Variants in IDUA observed in about 807,000 individuals in gnomAD.
IDUA encodes the protein alpha-L-iduronidase.
In IDUA, 65 loss-of-function variants were observed where a neutral mutation model predicts 68.9. That is an observed-to-expected ratio of 0.94 (90% CI 0.77 to 1.16). The LOEUF (loss-of-function observed/expected upper bound fraction) is 1.16, where lower values mean the gene tolerates loss of function less well. IDUA is among the 50% of genes most tolerant of loss of function. The pLI is 0.00. For synonymous variants in IDUA, 529 were observed against 433.6 expected, an observed-to-expected ratio of 1.22 and a Z score of -2.73; for missense variants, 1,046 against 938.0, an observed-to-expected ratio of 1.12 and a Z score of -1.50.
intron 2 of IDUA, among the ~76,000 whole-genome samples, chr4:995,735 ACT>A (rs760332902): frequency 1.6e-4 from 24 of 152,080 alleles, no homozygotes; most frequent in Non-Finnish European, 2.4e-4. Flanking sequence ...GACCCTGGAC[ACT>A]CACCCCACCA....
At chr4:991,239 G>C in intron 2 of IDUA, 2 of 1,611,750 alleles carry the variant, frequency 1.2e-6, no homozygotes, top group Non-Finnish European at 1.7e-6. Flanking sequence ...TGTTGGCTCC[G>C]GGCTGCAGGC....
intron 2 of IDUA, chr4:989,846 G>A (rs548954568): frequency 6.3e-6 from 10 of 1,578,432 alleles, no homozygotes; most frequent in Middle Eastern, 1.7e-4. Flanking sequence ...CCGTGACTGC[G>A]GGCGAACATC....
Position 1,001,718 on chromosome 4 carries a change from GC to G in IDUA, c.630del (p.Ala211ProfsTer23), listed in dbSNP as rs1560546897. On this transcript the variant is annotated frameshift_variant, in exon 6 of 14. Coordinates refer to ENST00000514224, the MANE Select transcript of IDUA (RefSeq NM_000203.5). LOFTEE classifies it high-confidence loss of function. ...TACGATGCCTGCTCGGAGGGTCTGC[GC>G]GCCGCCAGCCCCGCCCTGCGGCTGG... ...NYYDACSEGL[R>X]AASPALRLGG... is the part of the protein sequence containing the mutation. 6.3e-7 allele frequency: 1 copy of G among 1,598,910 alleles called. No homozygotes were observed. Among genetic ancestry groups the G allele is most frequent in the Non-Finnish European group, 8.5e-7 (1 of 1,178,624 alleles).
intron 2 of IDUA, among the ~76,000 whole-genome samples, chr4:997,922 G>C (rs1037519845): frequency 3.3e-4 from 50 of 152,240 alleles, no homozygotes; most frequent in African/African-American, 1.1e-3. Flanking sequence ...CCCCGCTAGG[G>C]TCAGGGGCTG....
Position 988,937 on chromosome 4 carries a change from C to T in IDUA, c.299+988C>T, listed in dbSNP as rs142262555. The T allele has an allele frequency of 3.5e-4, 552 of 1,598,818 alleles. 9 individuals are homozygous for T. The Middle Eastern group carries it at 6.3e-3, about 18-fold the overall frequency. On this transcript the variant is annotated intron_variant, in intron 2 of 13. Coordinates refer to ENST00000514224, the MANE Select transcript of IDUA (RefSeq NM_000203.5). ...AGCTGCTCCTCCTCAGCCGTGTCCC[C>T]GGGGCCCTCCCCGAGGAAGCCTCCT... is the stretch of plus-strand genomic sequence containing the variant.
chr4:987,213 G>A lies in IDUA; in HGVS notation c.129G>A (p.Leu43=), dbSNP rs1713798523. The A allele has an allele frequency of 6.7e-7, 1 of 1,493,546 alleles. No homozygotes were observed. The highest frequency in any genetic ancestry group is 8.9e-7 in the Non-Finnish European group (1 of 1,128,860). 92.5% of individuals were successfully genotyped at this position (1,493,546 alleles called of 1,614,324 possible). A position where few individuals can be genotyped will look rare whatever the true frequency, so the allele number is the denominator to read the frequency against. The change falls in exon 1 of 14, where the codon CTG becomes CTA. Residue 43 remains leucine, a synonymous_variant. Transcript: ENST00000514224. ...ACGCGGCCCGCGCGCTGTGGCCCCTGCGGCGCTTCTGGAGGAGCACAGGCT... is the reference window on the plus strand; with the variant it reads ...ACGCGGCCCGCGCGCTGTGGCCCCTACGGCGCTTCTGGAGGAGCACAGGCT... ...HVDAARALWP[L]RRFWRSTGFC...
chr4:1,002,012 C>T lies in IDUA; in HGVS notation c.823C>T (p.Gln275Ter). The change falls in exon 7 of 14, where the codon CAG (glutamine) becomes TAG (stop). Residue 275 changes from glutamine (Q) to a stop codon, truncating the protein, a stop_gained. Coordinates refer to ENST00000514224, the MANE Select transcript of IDUA (RefSeq NM_000203.5). LOFTEE classifies it high-confidence loss of function. Reference sequence around the variant, plus strand: ...GCGCAGCTCCATCTCCATCCTGGAGCAGGAGAAGGTCGTCGCGCAGCAGAT... The same window carrying T: ...GCGCAGCTCCATCTCCATCCTGGAGTAGGAGAAGGTCGTCGCGCAGCAGAT... ...GARSSISILE[Q>*]EKVVAQQIRQ... The T allele has an allele frequency of 6.3e-7, 1 of 1,595,740 alleles. No individual in the cohort carries two copies. Among genetic ancestry groups the T allele is most frequent in the Non-Finnish European group, 8.5e-7 (1 of 1,172,922 alleles).
intron 2 of IDUA, among the ~76,000 whole-genome samples, chr4:997,493 G>A (rs1002055923): frequency 6.6e-6 from 1 of 151,396 alleles, no homozygotes; most frequent in Non-Finnish European, 1.5e-5. Context: ...TCGGGCCCAG[G>A]GGCGGGGACG....
intron 2 of IDUA, chr4:991,682 G>C (rs1245314431): frequency 6.5e-7 from 1 of 1,532,618 alleles, no homozygotes; most frequent in Admixed American, 1.9e-5. Flanking sequence ...CCCTGCTGCA[G>C]AGGCTCAGGG....
chr4:987,296 G>A, intron 1 of IDUA, 54 bp downstream of exon 1: 2 of 1,460,078 alleles, frequency 1.4e-6, no homozygotes, highest in Non-Finnish European at 1.8e-6. Context: ...GAGCTCGGGC[G>A]CCCCCTGACT....
At chr4:1,003,792 A>G (rs938282443) in intron 12 of IDUA, 167 bp downstream of exon 12, 3 of 826,956 alleles carry the variant, frequency 3.6e-6, no homozygotes, top group Non-Finnish European at 5.9e-6. Flanking sequence ...GCCACGCGCC[A>G]GGCCCTGCCA....
Position 987,158 on chromosome 4 carries a change from C to T in IDUA, c.74C>T (p.Pro25Leu), listed in dbSNP as rs1173398291. The T allele has an allele frequency of 2.1e-6, 3 of 1,425,382 alleles. No individual in the cohort carries two copies. Among genetic ancestry groups the T allele is most frequent in the Non-Finnish European group, 2.7e-6 (3 of 1,095,416 alleles). The allele number at this position is 1,425,382 out of a possible 1,614,324, so 88.3% of individuals were successfully genotyped here. ...ASLLAAPPVA[P>L]AEAPHLVHVD... Reference sequence around the variant, plus strand: ...CTCCTGGCCGCGCCCCCGGTGGCCCCGGCCGAGGCCCCGCACCTGGTGCAT... The same window carrying T: ...CTCCTGGCCGCGCCCCCGGTGGCCCTGGCCGAGGCCCCGCACCTGGTGCAT... The change falls in exon 1 of 14, where the codon CCG (proline) becomes CTG (leucine). Residue 25 changes from proline to leucine, a missense_variant. Transcript: ENST00000514224.
At chr4:996,599 C>A (rs1372941137) in intron 2 of IDUA, among the ~76,000 whole-genome samples, 1 of 152,182 alleles carries the variant, frequency 6.6e-6, no homozygotes, top group Non-Finnish European at 1.5e-5. Context: ...ACTGCAGGGG[C>A]CTGGCCTCAG....
At chr4:1,000,220 A>T (rs1025439728) in intron 2 of IDUA, among the ~76,000 whole-genome samples, 1 of 152,042 alleles carries the variant, frequency 6.6e-6, no homozygotes, top group Non-Finnish European at 1.5e-5. Flanking sequence ...GGGGTGTGGG[A>T]GGGGAAATGG....
rs775712593 is a variant in IDUA, at chr4:1,003,072, T to G, written c.1439T>G (p.Leu480Arg). 1 of 1,521,006 alleles carries G rather than the reference T, an allele frequency of 6.6e-7. No homozygotes were observed. The highest frequency in any genetic ancestry group is 1.2e-5 in the South Asian group (1 of 81,858). 94.2% of individuals were successfully genotyped at this position (1,521,006 alleles called of 1,614,324 possible). The part of the protein sequence containing the change: ...VYVTRYLDNG[L>R]CSPDGEWRRL... ...GTCACGCGCTACCTGGACAACGGGC[T>G]CTGCAGCCCCGACGGCGAGTGGCGG... is the stretch of plus-strand genomic sequence containing the variant. The change falls in exon 10 of 14, where the codon CTC (leucine) becomes CGC (arginine). Residue 480 changes from leucine (L) to arginine (R), a missense_variant. Leu to Arg is a moderately radical substitution (Grantham distance 102). Transcript: ENST00000514224.
Position 1,004,158 on chromosome 4 carries a change from G to T in IDUA, c.1828+46G>T. ...CCTGGACTCGGCCACCCCATTCTTG[G>T]GCCTCAGGGCAGTACTGGGTGGGGG... On this transcript the variant is annotated intron_variant, in intron 13 of 13. Transcript: ENST00000514224. This position sits in a 1 kb window ranked among gnomAD's most constrained non-coding sequence, Gnocchi z 5.0. 6.2e-7 allele frequency: 1 copy of T among 1,611,610 alleles called. No homozygotes were observed. The highest frequency in any genetic ancestry group is 8.5e-7 in the Non-Finnish European group (1 of 1,179,016).
At chr4:998,901 C>A (rs1418975169) in intron 2 of IDUA, among the ~76,000 whole-genome samples, 1 of 152,034 alleles carries the variant, frequency 6.6e-6, no homozygotes, top group Non-Finnish European at 1.5e-5. Context: ...TGGCCCCCAG[C>A]CAGTCTTCCA....
chr4:988,027 C>A (rs1010117484), intron 2 of IDUA, 78 bp downstream of exon 2: 3 of 1,495,514 alleles, frequency 2.0e-6, no homozygotes, highest in South Asian at 1.3e-5. Context: ...GGGGGCTGCT[C>A]GGAAGACCCC....
intron 2 of IDUA, among the ~76,000 whole-genome samples, chr4:997,985 T>G (rs1216999033): frequency 6.6e-6 from 1 of 152,236 alleles, no homozygotes; most frequent in Non-Finnish European, 1.5e-5. Flanking sequence ...CAGCTGGGTC[T>G]TCACTTTCCT....
Sources: allele counts gnomAD v4.1 joint callset (sites outside exome capture counted in the v4.1 genomes callset), GRCh38; gene constraint gnomAD v4.1.1; non-coding constraint Gnocchi (gnomAD v3.1); transcripts MANE v1.5; gene names NCBI Gene and HGNC (gene_info 2026-07-23, HGNC 2026-07-21).